The following SATB1 variants were observed in gnomAD, a reference collection of about 807,000 sequenced individuals.
The protein encoded by SATB1 is SATB homeobox 1, also known as DNA-binding protein SATB1.
A neutral mutation model predicts 86.9 loss-of-function variants in SATB1; 11 were observed. The ratio of observed to expected loss-of-function variants is 0.13; its 90% CI spans 0.08 to 0.21. SATB1 has a LOEUF of 0.21. Among genes scored for constraint, SATB1 ranks in the 10% least tolerant of loss-of-function variants. The pLI, the probability that SATB1 is intolerant of heterozygous loss-of-function variation, is 1.00. For synonymous variants in SATB1, 357 were observed against 357.2 expected, an observed-to-expected ratio of 1.00 and a Z score of 0.01; for missense variants, 551 against 937.6, an observed-to-expected ratio of 0.59 and a Z score of 5.39.
chr3:18,411,373 A>C (rs771909093), intron 5 of SATB1, among the ~76,000 whole-genome samples: 3 of 152,080 alleles, frequency 2.0e-5, no homozygotes, highest in Non-Finnish European at 4.4e-5. Flanking sequence ...ATTTGACCTA[A>C]ACATTTTTAG....
chr3:18,381,414 C>T (rs1696056416), intron 8 of SATB1, among the ~76,000 whole-genome samples: 1 of 152,132 alleles, frequency 6.6e-6, no homozygotes, highest in Non-Finnish European at 1.5e-5. Context: ...TTATTATGTG[C>T]TGGACATTGT....
At chr3:18,398,383 T>C (rs1697071258) in intron 5 of SATB1, among the ~76,000 whole-genome samples, 1 of 152,142 alleles carries the variant, frequency 6.6e-6, no homozygotes, top group Admixed American at 6.5e-5. Flanking sequence ...CTCACCCCTA[T>C]GTGCAGAAAC....
intron 9 of SATB1, among the ~76,000 whole-genome samples, chr3:18,362,541 G>T (rs1694951356): frequency 6.6e-6 from 1 of 151,402 alleles, no homozygotes; most frequent in African/African-American, 2.4e-5. Flanking sequence ...TCATAATGAT[G>T]TTTCTGTATT....
chr3:18,415,206 C>T lies in SATB1; in HGVS notation c.544G>A (p.Glu182Lys), dbSNP rs769764392. Residue 182 changes from glutamate (E) to lysine (K), a missense_variant, in exon 5 of 11, where the codon GAA becomes AAA. By Grantham distance (56) the Glu-to-Lys change is moderately conservative (BLOSUM62 1). Transcript: ENST00000338745. The part of the protein sequence containing the change: ...SCPKLEDLPP[E>K]QWSHTTVRNA... ...CTCACTGTGGTGTGCGACCATTGTT[C>T]GGGAGGCAAGTCTTCTAGTTTGGGG... The T allele has an allele frequency of 3.1e-6, 5 of 1,612,826 alleles. No homozygotes were observed. Among genetic ancestry groups the T allele is most frequent in the East Asian group, 2.2e-5 (1 of 44,848 alleles).
intron 7 of SATB1, among the ~76,000 whole-genome samples, chr3:18,393,988 CA>C (rs1407443403): frequency 5.7e-4 from 50 of 88,116 alleles, no homozygotes; most frequent in African/African-American, 1.3e-3. Context: ...TTAACAACAA[CA>C]AACAACAACA....
rs1420482283 is a variant in SATB1, at chr3:18,386,413, T to C, written c.1405A>G (p.Ser469Gly). The C allele has an allele frequency of 3.7e-6, 6 of 1,613,606 alleles. No individual in the cohort carries two copies. Among genetic ancestry groups the C allele is most frequent in the Non-Finnish European group, 5.1e-6 (6 of 1,179,854 alleles). The change falls in exon 8 of 11, where the codon AGC becomes GGC. Residue 469 changes from serine to glycine, a missense_variant. By Grantham distance (56) the Ser-to-Gly change is moderately conservative. This residue lies in a region of SATB1 where 110 missense variants were observed against 212.2 expected (regional missense o/e 0.52). Transcript: ENST00000338745. The surrounding 1 kb of genome is among the most constrained non-coding windows in gnomAD (Gnocchi z 4.5). ...GPAPLISTPP[S>G]RPPQVKTATI... ...GGAGACCGCACCTGGGGAGGACGGC[T>C]GGGTGGTGTGCTGATGAGGGGGGCA...
rs1694076034 is a variant in SATB1 at position 18,346,710 on chromosome 3, A to G, written c.*2460T>C. On this transcript the variant is annotated 3_prime_UTR_variant, in exon 11 of 11. Transcript: ENST00000338745. ...GTTAGCATTGTTATGTTGATTACCA[A>G]ACAAACATTCAAACATTCATCATTT... 1 of 151,872 alleles carries G rather than the reference A, an allele frequency of 6.6e-6. No homozygotes were observed. Among genetic ancestry groups the G allele is most frequent in the Non-Finnish European group, 1.5e-5 (1 of 67,994 alleles). The allele number at this position is 151,872 out of a possible 1,614,324, so 9.4% of individuals were successfully genotyped here. A position where few individuals can be genotyped will look rare whatever the true frequency, so the allele number is the denominator to read the frequency against.
At chr3:18,351,861 G>T in intron 10 of SATB1, 131 bp downstream of exon 10, 1 of 772,398 alleles carries the variant, frequency 1.3e-6, no homozygotes, top group Non-Finnish European at 2.2e-6. Context: ...GAGCAAGATG[G>T]CAGTGTATTG....
chr3:18,411,959 G>A (rs746285571), intron 5 of SATB1, among the ~76,000 whole-genome samples: 1 of 151,856 alleles, frequency 6.6e-6, no homozygotes, highest in Non-Finnish European at 1.5e-5. Context: ...AAACATTATT[G>A]TACCCAAATG....
rs1698619911 is a variant in SATB1, at chr3:18,425,153, G to A, written c.-1551C>T. 1 of 175,708 alleles carries A rather than the reference G, an allele frequency of 5.7e-6. No homozygotes were observed. The highest frequency in any genetic ancestry group is 6.3e-5 in the Admixed American group (1 of 15,908). The allele number at this position is 175,708 out of a possible 1,614,324, so 10.9% of individuals were successfully genotyped here. ...CGCCGCTGCTCCTGCTGCTGCTGCC[G>A]CCGCCGCCGCCGCTGCCGCTGTGGG... On this transcript the variant is annotated 5_prime_UTR_variant, in exon 1 of 11. Transcript: ENST00000338745.
At chr3:18,412,991 C>T (rs1170117080) in intron 5 of SATB1, among the ~76,000 whole-genome samples, 2 of 151,978 alleles carry the variant, frequency 1.3e-5, no homozygotes, top group Admixed American at 1.3e-4. Context: ...CTAAACTATG[C>T]ATAATTTTTA....
rs773635709 is a variant in SATB1, at chr3:18,394,831, G to A, written c.837C>T (p.Ala279=). The A allele has an allele frequency of 1.6e-5, 26 of 1,613,880 alleles. No homozygotes were observed. The highest frequency in any genetic ancestry group is 3.3e-5 in the South Asian group (3 of 91,062). ...GCTGCGCAGGGGATGGAGGCTGCTC[G>A]GCTGTGTTCCCTGGAACTGGTTGCT... ...FGQQPVPGNT[A]EQPPSPAQLS... is the part of the protein sequence containing the mutation. Residue 279 remains alanine (A), a synonymous_variant, in exon 7 of 11, where the codon GCC becomes GCT. Coordinates refer to ENST00000338745, the MANE Select transcript of SATB1 (RefSeq NM_002971.6). The surrounding 1 kb of genome is among the most constrained non-coding windows in gnomAD (Gnocchi z 5.9).
At chr3:18,392,991 G>C (rs186685344) in intron 7 of SATB1, among the ~76,000 whole-genome samples, 3 of 146,614 alleles carry the variant, frequency 2.0e-5, no homozygotes, top group African/African-American at 7.5e-5. Flanking sequence ...AAAAAAAGAT[G>C]AATCGACTGA....
At chr3:18,442,623 A>G (rs1375325073), upstream of SATB1, among the ~76,000 whole-genome samples, 6 of 152,328 alleles carry the variant, frequency 3.9e-5, no homozygotes, top group East Asian at 1.2e-3. Flanking sequence ...TAATTAAAGT[A>G]TTTATGTCTG....
At chr3:18,377,771 C>G (rs1198935944) in intron 9 of SATB1, among the ~76,000 whole-genome samples, 1 of 151,900 alleles carries the variant, frequency 6.6e-6, no homozygotes, top group East Asian at 1.9e-4. Flanking sequence ...TGAATTGGAA[C>G]AGAAGAAACT....
Position 18,349,849 on chromosome 3 carries a change from A to G in SATB1, c.1780-167T>C, listed in dbSNP as rs1327977745. ...CGGCGAAATGGCCGACAGCATTTAC[A>G]AAAAAATCAAAATGATATGACTAGG... On this transcript the variant is annotated intron_variant, in intron 10 of 10. Transcript: ENST00000338745. This position sits in a 1 kb window ranked among gnomAD's most constrained non-coding sequence, Gnocchi z 5.5. 17 of 1,220,222 alleles carry G rather than the reference A, an allele frequency of 1.4e-5. No individual in the cohort carries two copies. Among genetic ancestry groups the G allele is most frequent in the Non-Finnish European group, 1.9e-5 (17 of 908,474 alleles). The allele number at this position is 1,220,222 out of a possible 1,614,324, so 75.6% of individuals were successfully genotyped here.
Position 18,352,114 on chromosome 3 carries a change from G to C in SATB1, c.1657C>G (p.Arg553Gly), listed in dbSNP as rs145361574. Residue 553 changes from arginine (R) to glycine (G), a missense_variant, in exon 10 of 11, where the codon CGA (arginine) becomes GGA (glycine). Arg to Gly is a moderately radical substitution (Grantham distance 125). This residue lies in a region of SATB1 where 110 missense variants were observed against 212.2 expected (regional missense o/e 0.52). Coordinates refer to ENST00000338745, the MANE Select transcript of SATB1 (RefSeq NM_002971.6). This position sits in a 1 kb window ranked among gnomAD's most constrained non-coding sequence, Gnocchi z 4.1. ...GGCTGAGGAAGACTGAGGAACCTTC[G>C]GATCATGGAGAGGTTCTCCCACAGG... ...RTLWENLSMI[R>G]RFLSLPQPER... 6.2e-7 allele frequency: 1 copy of C among 1,614,110 alleles called. No individual in the cohort carries two copies. Among genetic ancestry groups the C allele is most frequent in the African/African-American group, 1.3e-5 (1 of 75,016 alleles).
chr3:18,445,213 C>T (rs1221193790), intron 1 of SATB1: 1 of 981,624 alleles, frequency 1.0e-6, no homozygotes, highest in Non-Finnish European at 1.2e-6. Context: ...CGCCCGGCTT[C>T]TCCCCCTGGC....
intron 5 of SATB1, among the ~76,000 whole-genome samples, chr3:18,411,586 T>C (rs1697844389): frequency 6.6e-6 from 1 of 151,918 alleles, no homozygotes; most frequent in Non-Finnish European, 1.5e-5. Flanking sequence ...CCCAAATCCA[T>C]ATCCTCAAAA....
Sources: allele counts gnomAD v4.1 joint callset (sites outside exome capture counted in the v4.1 genomes callset), GRCh38; gene constraint gnomAD v4.1.1; regional missense constraint gnomAD v4.1.1; non-coding constraint Gnocchi (gnomAD v3.1); transcripts MANE v1.5; gene names NCBI Gene and HGNC (gene_info 2026-07-23, HGNC 2026-07-21).